The following TEX14 variants were observed in gnomAD, a reference collection of about 807,000 sequenced individuals.
TEX14 encodes inactive serine/threonine-protein kinase TEX14.
In TEX14, 168 loss-of-function variants were observed where a neutral mutation model predicts 178.6. That is an observed-to-expected ratio of 0.94 (90% confidence interval 0.83 to 1.07). The LOEUF is 1.07. Ranked by LOEUF, TEX14 falls within the 50% of genes least tolerant of loss-of-function variation. The probability of loss-of-function intolerance (pLI) is 0.00; values close to 1 mark genes in which losing one functional copy is unlikely to be tolerated. For missense variants in TEX14, 1,730 were observed against 1,753.6 expected, an observed-to-expected ratio of 0.99 and a Z score of 0.24; for synonymous variants, 626 against 634.1, an observed-to-expected ratio of 0.99 and a Z score of 0.19.
intron 25 of TEX14, among the ~76,000 whole-genome samples, 195 bp downstream of exon 25, chr17:58,570,190 A>T (rs925323374): frequency 6.6e-6 from 1 of 152,054 alleles, no homozygotes; most frequent in African/African-American, 2.4e-5. Context: ...ACATGAGGTT[A>T]AAAAAGTGTA....
intron 14 of TEX14, among the ~76,000 whole-genome samples, chr17:58,597,990 G>T (rs989525786): frequency 3.3e-5 from 5 of 151,974 alleles, no homozygotes; most frequent in Admixed American, 6.6e-5. Context: ...GCTACTTATG[G>T]GCAGAGTTTG....
At chr17:58,583,956 G>A (rs1156687842) in intron 19 of TEX14, among the ~76,000 whole-genome samples, 1 of 152,064 alleles carries the variant, frequency 6.6e-6, no homozygotes, top group African/African-American at 2.4e-5. Context: ...AAAAATTTTG[G>A]TTTCTTAGTC....
At chr17:58,589,344 T>C (rs779804569) in intron 15 of TEX14, among the ~76,000 whole-genome samples, 6 of 150,352 alleles carry the variant, frequency 4.0e-5, no homozygotes, top group Non-Finnish European at 8.9e-5. Flanking sequence ...AGGTGAATCA[T>C]GAGGTCAGGA....
At chr17:58,680,918 T>A (rs1434994868) in intron 1 of TEX14, among the ~76,000 whole-genome samples, 1 of 152,066 alleles carries the variant, frequency 6.6e-6, no homozygotes, top group Non-Finnish European at 1.5e-5. Flanking sequence ...AGTTTATAAC[T>A]TTTTTTTCCT....
At chr17:58,688,364 C>T (rs2047636661) in intron 1 of TEX14, among the ~76,000 whole-genome samples, 1 of 152,140 alleles carries the variant, frequency 6.6e-6, no homozygotes, top group African/African-American at 2.4e-5. Flanking sequence ...AAGTGATCTG[C>T]CAGCCTCAGC....
At chr17:58,680,204 G>A (rs2047477461) in intron 1 of TEX14, among the ~76,000 whole-genome samples, 2 of 152,076 alleles carry the variant, frequency 1.3e-5, no homozygotes, top group Admixed American at 6.6e-5. Context: ...GCAAAAACAG[G>A]CGCGCACGGC....
chr17:58,595,815 T>C (rs1396599791), intron 14 of TEX14, among the ~76,000 whole-genome samples: 1 of 152,246 alleles, frequency 6.6e-6, no homozygotes, highest in Admixed American at 6.5e-5. Context: ...TAATAAACTA[T>C]TGTTATTTTA....
chr17:58,655,613 C>T (rs1470590445), intron 1 of TEX14, among the ~76,000 whole-genome samples: 1 of 152,162 alleles, frequency 6.6e-6, no homozygotes, highest in Non-Finnish European at 1.5e-5. Context: ...AGCCACCGCA[C>T]CTGGCCAATA....
At chr17:58,652,062 T>C in intron 1 of TEX14, 60 bp from the exon 2 acceptor site, 1 of 1,372,530 alleles carries the variant, frequency 7.3e-7, no homozygotes, top group Non-Finnish European at 9.7e-7. Context: ...AGGAAACAAC[T>C]TAATTCTTTT....
chr17:58,599,510 G>A lies in TEX14; in HGVS notation c.1835C>T (p.Thr612Ile). 1 of 1,614,062 alleles carries A rather than the reference G, an allele frequency of 6.2e-7. No individual in the cohort carries two copies. Among genetic ancestry groups the A allele is most frequent in the Non-Finnish European group, 8.5e-7 (1 of 1,180,012 alleles). Reference sequence around the variant, plus strand: ...GAAACTGCAGAGGCTTGGCTGACCTGTGCTGGGGCTGCTGGCCTCTTCTGC... The same window carrying A: ...GAAACTGCAGAGGCTTGGCTGACCTATGCTGGGGCTGCTGGCCTCTTCTGC... ...FMAEEASSPS[T>I]GQPSLCSFEI... Residue 612 changes from threonine (T) to isoleucine (I), a missense_variant, in exon 14 of 32, where the codon ACA (threonine) becomes ATA (isoleucine). Physicochemically the swap from Thr to Ile is moderately conservative, Grantham distance 89 (BLOSUM62 -1). This residue lies in a region of TEX14 where 941 missense variants were observed against 1,072.4 expected (regional missense o/e 0.88). Transcript: ENST00000349033.
chr17:58,691,327 T>C (rs2047714676), intron 1 of TEX14, among the ~76,000 whole-genome samples: 1 of 152,116 alleles, frequency 6.6e-6, no homozygotes, highest in Admixed American at 6.6e-5. Flanking sequence ...TGATTTGCAA[T>C]ATTTAGAAAG....
intron 2 of TEX14, among the ~76,000 whole-genome samples, chr17:58,645,047 G>A (rs556555706): frequency 8.3e-5 from 12 of 144,758 alleles, no homozygotes; most frequent in East Asian, 2.1e-4. Context: ...GTGCAGTGGC[G>A]TGATCTCAGC....
chr17:58,646,547 A>T (rs2046712336), intron 2 of TEX14, among the ~76,000 whole-genome samples: 1 of 152,078 alleles, frequency 6.6e-6, no homozygotes, highest in African/African-American at 2.4e-5. Context: ...TATGTTGCCC[A>T]GGTTGGACTC....
intron 21 of TEX14, 107 bp from the exon 22 acceptor site, chr17:58,574,356 G>C (rs1278496917): frequency 6.2e-6 from 5 of 811,172 alleles, no homozygotes; most frequent in East Asian, 2.5e-5. Context: ...AGACGCAGAG[G>C]AAAGGGCACT....
chr17:58,659,314 T>TA, intron 1 of TEX14: 1 of 979,128 alleles, frequency 1.0e-6, no homozygotes, highest in Admixed American at 6.2e-5. Flanking sequence ...ATTATTTACT[T>TA]AATATTGCTA....
chr17:58,636,414 C>T (rs2046434207), intron 2 of TEX14, among the ~76,000 whole-genome samples: 1 of 151,976 alleles, frequency 6.6e-6, no homozygotes, highest in South Asian at 2.1e-4. Context: ...GTCACCTAAC[C>T]TGTGAGCCTC....
chr17:58,591,222 G>C (rs1018587015), intron 15 of TEX14, among the ~76,000 whole-genome samples: 29 of 152,044 alleles, frequency 1.9e-4, no homozygotes, highest in African/African-American at 6.0e-4. Context: ...AAAATCCACT[G>C]ATCTAAAATG....
chr17:58,643,166 C>A (rs1489134021), intron 2 of TEX14, among the ~76,000 whole-genome samples: 2 of 152,170 alleles, frequency 1.3e-5, no homozygotes, highest in Non-Finnish European at 1.5e-5. Context: ...TTGGGAACAA[C>A]CTGGTTTTCC....
In TEX14 at chr17:58,601,955, T is replaced by C. The variant is rs2045461675; in HGVS notation, c.1529A>G (p.Asp510Gly). 6.2e-7 allele frequency: 1 copy of C among 1,612,866 alleles called. No homozygotes were observed. The highest frequency in any genetic ancestry group is 2.2e-5 in the East Asian group (1 of 44,878). Residue 510 changes from aspartate to glycine, a missense_variant and splice_region_variant, in exon 13 of 32, where the codon GAT (aspartate) becomes GGT (glycine). Physicochemically the swap from Asp to Gly is moderately conservative, Grantham distance 94. Around this residue, in one of 2 missense-constraint regions of TEX14, gnomAD observed 789 missense variants for 681.2 expected, o/e 1.16. Transcript: ENST00000349033. The stretch of plus-strand genomic sequence containing the variant: ...TTGAGTTCTCTGGGCTCCAGTAAAA[T>C]CCTGTAACACAGGAAATATTGTCAA... ...IRYILKNDLKDFTGAQRTQPT... is the reference protein window; with the variant it reads ...IRYILKNDLKGFTGAQRTQPT...
Sources: allele counts gnomAD v4.1 joint callset (sites outside exome capture counted in the v4.1 genomes callset), GRCh38; gene constraint gnomAD v4.1.1; regional missense constraint gnomAD v4.1.1; transcripts MANE v1.5; gene names NCBI Gene and HGNC (gene_info 2026-07-23, HGNC 2026-07-21).